The following MAP2K7 variants were observed in gnomAD, a reference collection of about 807,000 sequenced individuals.
MAP2K7 encodes the protein mitogen-activated protein kinase kinase 7.
Under a neutral mutation model 47.7 loss-of-function variants are expected in MAP2K7, and 12 were observed. The observed-to-expected ratio is 0.25, with a 90% confidence interval of 0.16 to 0.41. The LOEUF is 0.41. Ranked by LOEUF, MAP2K7 falls within the 10% of genes least tolerant of loss-of-function variation. MAP2K7 has a pLI of 1.00. For missense variants in MAP2K7, 415 were observed against 600.3 expected, an observed-to-expected ratio of 0.69 and a Z score of 3.23; for synonymous variants, 299 against 243.0, an observed-to-expected ratio of 1.23 and a Z score of -2.14.
intron 1 of MAP2K7, chr19:7,906,999 C>G (rs1012358064): frequency 1.3e-5 from 2 of 151,364 alleles, no homozygotes; most frequent in African/African-American, 4.9e-5. Flanking sequence ...GAGCTGAGAT[C>G]GCACCATTGC....
rs768434615 is a variant in MAP2K7 at position 7,909,838 on chromosome 19, C to T, written c.208C>T (p.Arg70Trp). Residue 70 changes from arginine (R) to tryptophan (W), a missense_variant, in exon 2 of 11, where the codon CGG becomes TGG. Coordinates refer to ENST00000397979, the MANE Select transcript of MAP2K7 (RefSeq NM_145185.4). ...SSPQHPTPPA[R>W]PRHMLGLPST... is the part of the protein sequence containing the mutation. ...CCCGCAGCACCCCACGCCCCCCGCC[C>T]GGCCCCGCCACATGCTGGGGCTCCC... 27 of 1,539,762 alleles carry T rather than the reference C, an allele frequency of 1.8e-5. No individual in the cohort carries two copies. The highest frequency in any genetic ancestry group is 2.3e-5 in the Non-Finnish European group (26 of 1,143,306).
intron 1 of MAP2K7, among the ~76,000 whole-genome samples, chr19:7,907,790 G>C (rs971336247): frequency 2.6e-5 from 4 of 152,130 alleles, no homozygotes; most frequent in African/African-American, 4.8e-5. Flanking sequence ...GGGTGTGAGC[G>C]GGACTCGGAT....
At chr19:7,904,820 C>T (rs1231659136) in intron 1 of MAP2K7, among the ~76,000 whole-genome samples, 2 of 152,082 alleles carry the variant, frequency 1.3e-5, no homozygotes, top group Non-Finnish European at 2.9e-5. Context: ...AGCCCGGTGA[C>T]TTTGTCACCT....
At chr19:7,906,051 C>A (rs1465470189) in intron 1 of MAP2K7, 8 of 614,134 alleles carry the variant, frequency 1.3e-5, no homozygotes, top group Non-Finnish European at 2.3e-5. Flanking sequence ...CTCCCTCCTC[C>A]TCCCCCTCCC....
At chr19:7,910,201 G>C in intron 3 of MAP2K7, 59 bp from the exon 4 acceptor site, 1 of 1,601,372 alleles carries the variant, frequency 6.2e-7, no homozygotes, top group Non-Finnish European at 8.5e-7. Flanking sequence ...AGCGCCAGTG[G>C]GGGGCAGGGG....
intron 1 of MAP2K7, chr19:7,904,415 C>T (rs868276672): frequency 1.7e-5 from 6 of 350,834 alleles, no homozygotes; most frequent in Middle Eastern, 3.6e-4. Flanking sequence ...CAGACACGTC[C>T]CTGTTGACCT....
At position 7,913,520 on chromosome 19, in the gene MAP2K7, C is replaced by T. The variant is rs1983075192; in HGVS notation, c.*1089C>T. On this transcript the variant is annotated 3_prime_UTR_variant, in exon 11 of 11. Coordinates refer to ENST00000397979, the MANE Select transcript of MAP2K7 (RefSeq NM_145185.4). ...TGACAAGCTCCAGCAGGGGTGGGGG[C>T]CGGGCTGAGGGTGGGGGTGCGAGGT... 6.6e-6 allele frequency: 1 copy of T among 151,100 alleles called. No individual in the cohort carries two copies. The highest frequency in any genetic ancestry group is 2.4e-5 in the African/African-American group (1 of 40,968). 9.4% of individuals were successfully genotyped at this position (151,100 alleles called of 1,614,324 possible).
chr19:7,911,237 C>A lies in MAP2K7; in HGVS notation c.856-13C>A, dbSNP rs749702696. The A allele has an allele frequency of 1.3e-6, 2 of 1,509,554 alleles. No individual in the cohort carries two copies. The highest frequency in any genetic ancestry group is 1.1e-5 in the South Asian group (1 of 87,132). 93.5% of individuals were successfully genotyped at this position (1,509,554 alleles called of 1,614,324 possible). ...CAGCCTTGGAGATACGTCTTCTCCT[C>A]CCCCCCCTGCAGCCCGAGCGCATTG... On this transcript the variant is annotated splice_polypyrimidine_tract_variant and intron_variant, in intron 7 of 10. Coordinates refer to ENST00000397979, the MANE Select transcript of MAP2K7 (RefSeq NM_145185.4).
At chr19:7,912,014 G>A in intron 9 of MAP2K7, 135 bp from the exon 10 acceptor site, 3 of 783,686 alleles carry the variant, frequency 3.8e-6, no homozygotes, top group Admixed American at 4.6e-5. Flanking sequence ...CCGGGGTCCT[G>A]AGGACATCCA....
chr19:7,911,563 C>G lies in MAP2K7; in HGVS notation c.1064C>G (p.Ser355Cys), dbSNP rs778725144. The change falls in exon 9 of 11, where the codon TCC (serine) becomes TGC (cysteine). Residue 355 changes from serine to cysteine, a missense_variant. Ser to Cys is a moderately radical substitution (Grantham distance 112, BLOSUM62 -1). Transcript: ENST00000397979. The stretch of plus-strand genomic sequence containing the variant: ...ATGGGCTTCTCGGGGGACTTCCAGT[C>G]CTTCGTCAAAGACTGGTGAGAACCT... ...GHMGFSGDFQ[S>C]FVKDCLTKDH... The G allele has an allele frequency of 2.5e-6, 4 of 1,596,154 alleles. No individual in the cohort carries two copies. Among genetic ancestry groups the G allele is most frequent in the African/African-American group, 1.3e-5 (1 of 74,590 alleles).
At position 7,912,680 on chromosome 19, in the gene MAP2K7, C is replaced by T. The variant is rs1030562619; in HGVS notation, c.*249C>T. On this transcript the variant is annotated 3_prime_UTR_variant, in exon 11 of 11. Transcript: ENST00000397979. The stretch of plus-strand genomic sequence containing the variant: ...GACACTGTGAACGGAAGACAGCAGG[C>T]CGCGATCAGAGTCGCTGTTCATTCA... The T allele has an allele frequency of 1.8e-6, 1 of 562,788 alleles. No individual in the cohort carries two copies. The highest frequency in any genetic ancestry group is 3.2e-6 in the Non-Finnish European group (1 of 317,214). 34.9% of individuals were successfully genotyped at this position (562,788 alleles called of 1,614,324 possible). A position where few individuals can be genotyped will look rare whatever the true frequency, so the allele number is the denominator to read the frequency against.
chr19:7,910,274 A>T lies in MAP2K7; in HGVS notation c.348A>T (p.Glu116Asp). ...TCTCCTCCCAGCGCTACCAGGCAGA[A>T]ATCAACGACCTGGAGAACTTGGGCG... ...LTIGGQRYQAEINDLENLGEM... is the reference protein window; with the variant it reads ...LTIGGQRYQADINDLENLGEM... The change falls in exon 4 of 11, where the codon GAA (glutamate) becomes GAT (aspartate). Residue 116 changes from glutamate (E) to aspartate (D), a missense_variant. By Grantham distance (45) the Glu-to-Asp change is conservative (BLOSUM62 2). Around this residue, in one of 3 missense-constraint regions of MAP2K7, gnomAD observed 206 missense variants for 368.8 expected, o/e 0.56. Transcript: ENST00000397979. The T allele has an allele frequency of 2.5e-6, 4 of 1,613,200 alleles. No homozygotes were observed. Among genetic ancestry groups the T allele is most frequent in the Non-Finnish European group, 3.4e-6 (4 of 1,179,920 alleles).
chr19:7,903,917 G>A lies in MAP2K7; in HGVS notation c.-28G>A, dbSNP rs779985896. ...TGCCGGACTGACGGGCGGCCGGGCGGTGCGCGGCGGCGGTGGCGGCGGGGA... is the reference window on the plus strand; with the variant it reads ...TGCCGGACTGACGGGCGGCCGGGCGATGCGCGGCGGCGGTGGCGGCGGGGA... On this transcript the variant is annotated 5_prime_UTR_variant, in exon 1 of 11. The change creates a new upstream start codon in the 5' untranslated region. Transcript: ENST00000397979. 6.7e-7 allele frequency: 1 copy of A among 1,490,174 alleles called. No individual in the cohort carries two copies. Among genetic ancestry groups the A allele is most frequent in the Non-Finnish European group, 9.0e-7 (1 of 1,116,020 alleles). 92.3% of individuals were successfully genotyped at this position (1,490,174 alleles called of 1,614,324 possible).
chr19:7,905,731 C>A (rs1359885860), intron 1 of MAP2K7: 2 of 1,292,166 alleles, frequency 1.5e-6, no homozygotes, highest in South Asian at 1.2e-5. Flanking sequence ...GATTTGATTT[C>A]TTTTCTTTTG....
Position 7,911,123 on chromosome 19 carries a change from C to T in MAP2K7, c.819C>T (p.Ala273=). 1.2e-6 allele frequency: 2 copies of T among 1,612,150 alleles called. No homozygotes were observed. The highest frequency in any genetic ancestry group is 1.7e-6 in the Non-Finnish European group (2 of 1,179,740). The stretch of plus-strand genomic sequence containing the variant: ...GCGGCCGCCTGGTGGACTCCAAAGC[C>T]AAGACGCGGAGCGCCGGCTGTGCCG... ...GISGRLVDSK[A]KTRSAGCAAY... The change falls in exon 7 of 11, where the codon GCC becomes GCT. Residue 273 remains alanine (A), a synonymous_variant. Coordinates refer to ENST00000397979, the MANE Select transcript of MAP2K7 (RefSeq NM_145185.4).
At chr19:7,904,670 G>A (rs1337676302) in intron 1 of MAP2K7, 3 of 163,454 alleles carry the variant, frequency 1.8e-5, no homozygotes, top group South Asian at 9.5e-5. Flanking sequence ...CCCTCTTGGC[G>A]ACAGTGACCA....
intron 1 of MAP2K7, chr19:7,904,356 T>G: frequency 4.3e-6 from 1 of 231,326 alleles, no homozygotes; most frequent in Non-Finnish European, 8.9e-6. Context: ...TGGGTCGGGC[T>G]TCCCCGACTC....
rs374068196 is a variant in MAP2K7 at position 7,912,473 on chromosome 19, G to A, written c.*42G>A. 4 of 1,571,578 alleles carry A rather than the reference G, an allele frequency of 2.5e-6. No individual in the cohort carries two copies. The highest frequency in any genetic ancestry group is 3.4e-6 in the Non-Finnish European group (4 of 1,164,850). On this transcript the variant is annotated 3_prime_UTR_variant, in exon 11 of 11. Coordinates refer to ENST00000397979, the MANE Select transcript of MAP2K7 (RefSeq NM_145185.4). Reference sequence around the variant, plus strand: ...AGCCCCACAGGGGGCCAGGGGCATGGCCACAGGCCCCCCTCCCCACTTGGC... The same window carrying A: ...AGCCCCACAGGGGGCCAGGGGCATGACCACAGGCCCCCCTCCCCACTTGGC...
intron 1 of MAP2K7, among the ~76,000 whole-genome samples, chr19:7,908,435 A>G (rs541176754): frequency 2.0e-5 from 3 of 152,150 alleles, no homozygotes; most frequent in South Asian, 2.1e-4. Flanking sequence ...TGCCCCTCCT[A>G]CTGGCTGAGA....
Sources: gnomAD v4.1 joint callset for allele counts (sites outside exome capture counted in the v4.1 genomes callset) on GRCh38, gnomAD v4.1.1 for gene constraint, gnomAD v4.1.1 regional missense constraint, MANE v1.5 for transcripts, NCBI Gene and HGNC (gene_info 2026-07-23, HGNC 2026-07-21) for gene names.